The following ARNT2 variants were observed in gnomAD, a reference collection of about 807,000 sequenced individuals.
ARNT2 encodes aryl hydrocarbon receptor nuclear translocator 2, also known as ARNT protein 2.
Under a neutral mutation model 91.7 loss-of-function variants are expected in ARNT2, and 36 were observed. That is an observed-to-expected ratio of 0.39 (90% CI 0.30 to 0.52). The LOEUF (loss-of-function observed/expected upper bound fraction) is 0.52. Ranked by LOEUF, ARNT2 falls within the 20% of genes least tolerant of loss-of-function variation. ARNT2 has a pLI of 0.72. For missense variants in ARNT2, 775 were observed against 939.3 expected (o/e 0.83, Z 2.29); for synonymous variants, 365 against 347.1 (o/e 1.05, Z -0.57).
chr15:80,438,629 T>C (rs1037122), intron 1 of ARNT2, among the ~76,000 whole-genome samples: 35,918 of 152,026 alleles, frequency 0.24, 5,066 homozygotes, highest in African/African-American at 0.4. Flanking sequence ...TATGGTTCTG[T>C]ACATATCTTG....
chr15:80,425,906 G>A (rs1372282553), intron 1 of ARNT2, among the ~76,000 whole-genome samples: 1 of 152,046 alleles, frequency 6.6e-6, no homozygotes, highest in Non-Finnish European at 1.5e-5. Flanking sequence ...TTAAAAATTA[G>A]CTGGGCATGG....
chr15:80,533,052 A>G (rs1897763797), intron 8 of ARNT2, among the ~76,000 whole-genome samples: 1 of 152,208 alleles, frequency 6.6e-6, no homozygotes, highest in Admixed American at 6.5e-5. Context: ...AGCACCAGGC[A>G]GGAGGGACCG....
chr15:80,558,367 T>TA (rs1453672359), intron 11 of ARNT2, among the ~76,000 whole-genome samples: 1 of 148,026 alleles, frequency 6.8e-6, no homozygotes, highest in South Asian at 2.2e-4. Flanking sequence ...GACGGGGTCT[T>TA]ACTCTGTTGC....
chr15:80,479,774 G>T (rs896164435), intron 5 of ARNT2, among the ~76,000 whole-genome samples: 1 of 152,104 alleles, frequency 6.6e-6, no homozygotes. Context: ...TCCTGGGCCC[G>T]GCTCTCTTGG....
intron 1 of ARNT2, among the ~76,000 whole-genome samples, chr15:80,446,260 A>T (rs1896302512): frequency 6.6e-6 from 1 of 152,130 alleles, no homozygotes; most frequent in Non-Finnish European, 1.5e-5. Flanking sequence ...AACAGAGGAG[A>T]AGGAACATTT....
intron 11 of ARNT2, among the ~76,000 whole-genome samples, chr15:80,561,787 G>A (rs544898779): frequency 2.0e-5 from 3 of 152,318 alleles, no homozygotes; most frequent in African/African-American, 7.2e-5. Flanking sequence ...GAGATCAACA[G>A]TATCTTAAGA....
intron 5 of ARNT2, among the ~76,000 whole-genome samples, chr15:80,505,931 T>G (rs1595989743): frequency 1.6e-5 from 2 of 123,780 alleles, no homozygotes; most frequent in Non-Finnish European, 3.2e-5. Context: ...TTTGTTGTTT[T>G]TTTTTTTTTT....
At chr15:80,507,930 C>A (rs892547442) in intron 5 of ARNT2, among the ~76,000 whole-genome samples, 2 of 152,122 alleles carry the variant, frequency 1.3e-5, no homozygotes, top group African/African-American at 4.8e-5. Flanking sequence ...GCAGAGACAG[C>A]AAGTGTAGAC....
At chr15:80,435,630 G>A (rs1280389083) in intron 1 of ARNT2, among the ~76,000 whole-genome samples, 2 of 152,148 alleles carry the variant, frequency 1.3e-5, no homozygotes, top group Non-Finnish European at 2.9e-5. Flanking sequence ...TCTGTCCACA[G>A]GAGCAGGCAG....
intron 5 of ARNT2, among the ~76,000 whole-genome samples, chr15:80,498,776 T>TCCTGAAACAGCCACAAGCTG (rs1194810815): frequency 6.6e-5 from 10 of 152,340 alleles, no homozygotes; most frequent in African/African-American, 1.9e-4. Flanking sequence ...GGGTTTCTGA[T>TCCTGAAACAGCCACAAGCTG]CCTGAAACAG....
chr15:80,447,946 A>G (rs909699019), intron 1 of ARNT2, among the ~76,000 whole-genome samples: 2 of 152,252 alleles, frequency 1.3e-5, no homozygotes, highest in African/African-American at 4.8e-5. Context: ...ACATAGGAGC[A>G]GATTCCTTGA....
chr15:80,438,145 G>A (rs764185031), intron 1 of ARNT2, among the ~76,000 whole-genome samples: 51 of 152,154 alleles, frequency 3.4e-4, no homozygotes, highest in Non-Finnish European at 6.5e-4. Flanking sequence ...TTATTTATTA[G>A]GATTCCTCAC....
chr15:80,511,033 C>T (rs1235685618), intron 6 of ARNT2, among the ~76,000 whole-genome samples: 1 of 151,960 alleles, frequency 6.6e-6, no homozygotes, highest in Non-Finnish European at 1.5e-5. Flanking sequence ...TGGGTATATA[C>T]CCAAAGAACT....
chr15:80,508,088 C>T, intron 5 of ARNT2, 68 bp from the exon 6 acceptor site: 1 of 1,497,590 alleles, frequency 6.7e-7, no homozygotes, highest in Non-Finnish European at 9.3e-7. Context: ...AAAGCACTCC[C>T]CGAACTCCCT....
At chr15:80,411,369 G>T (rs367587312) in intron 1 of ARNT2, among the ~76,000 whole-genome samples, 5 of 152,272 alleles carry the variant, frequency 3.3e-5, no homozygotes, top group African/African-American at 1.2e-4. Context: ...TTTTGTTAAT[G>T]AATAAATGGA....
chr15:80,518,926 T>TG (rs993466755), intron 8 of ARNT2, among the ~76,000 whole-genome samples: 9 of 152,170 alleles, frequency 5.9e-5, no homozygotes, highest in African/African-American at 1.2e-4. Flanking sequence ...TACCAGAGAT[T>TG]GGGGGGGTGA....
At chr15:80,440,215 G>T (rs1282282296) in intron 1 of ARNT2, among the ~76,000 whole-genome samples, 1 of 152,154 alleles carries the variant, frequency 6.6e-6, no homozygotes, top group African/African-American at 2.4e-5. Context: ...CGGCTTCTAG[G>T]TTTGACTCAA....
intron 8 of ARNT2, among the ~76,000 whole-genome samples, chr15:80,530,610 C>T (rs1897723785): frequency 6.6e-6 from 1 of 152,114 alleles, no homozygotes; most frequent in Admixed American, 6.5e-5. Flanking sequence ...ATATGTTTCT[C>T]CCTATCTCAG....
In ARNT2 at chr15:80,515,988, G is replaced by A. The variant is rs895140824; in HGVS notation, c.877+1583G>A. Among the ~76,000 whole-genome samples, 7 of 151,338 alleles carry A rather than the reference G, an allele frequency of 4.6e-5. No homozygotes were observed. In the East Asian group the frequency reaches 7.8e-4, roughly 17 times the overall value. ...GGGTTCAAGCGATTCTCCTGCCTCA[G>A]CCTCCTGAGTAGCTGGGATTACAGC... On this transcript the variant is annotated intron_variant, in intron 8 of 18. Coordinates refer to ENST00000303329, the MANE Select transcript of ARNT2 (RefSeq NM_014862.4).
Sources: allele counts gnomAD v4.1 joint callset (sites outside exome capture counted in the v4.1 genomes callset), GRCh38; gene constraint gnomAD v4.1.1; transcripts MANE v1.5; gene names NCBI Gene and HGNC (gene_info 2026-07-23, HGNC 2026-07-21).